DDX10: variants seen among roughly 807,000 people sequenced by gnomAD.
The protein encoded by DDX10 is DEAD-box helicase 10.
Under a neutral mutation model 104.3 loss-of-function variants are expected in DDX10, and 74 were observed. The observed-to-expected ratio is 0.71, with a 90% CI of 0.59 to 0.86. The LOEUF is 0.86. Ranked by LOEUF, DDX10 falls within the 40% of genes least tolerant of loss-of-function variation. The probability of loss-of-function intolerance (pLI) is 0.00; values close to 1 mark genes in which losing one functional copy is unlikely to be tolerated. For synonymous variants in DDX10, 351 were observed against 353.4 expected (o/e 0.99, Z 0.08); for missense variants, 952 against 1,040.0 (o/e 0.92, Z 1.16).
intron 4 of DDX10, among the ~76,000 whole-genome samples, chr11:108,678,015 T>G (rs770225660): frequency 3.9e-5 from 6 of 152,258 alleles, no homozygotes; most frequent in Non-Finnish European, 8.8e-5. Context: ...ATGTCAGTTC[T>G]GATCCAAATA....
At position 108,878,341 on chromosome 11, in the gene DDX10, C is replaced by T. The variant is rs985447298; in HGVS notation, c.2304+26132C>T. ...AGTTGCCTCAGTGAACTGGAGATTA[C>T]ATGTCAAAAGTTTATTTGTGGATAT... On this transcript the variant is annotated intron_variant, in intron 16 of 17. Transcript: ENST00000322536. 5.3e-5 allele frequency among the ~76,000 whole-genome samples: 8 copies of T among 152,324 alleles called. 1 individual carries two copies. The highest frequency in any genetic ancestry group is 1.9e-4 in the African/African-American group (8 of 41,578).
At chr11:108,665,568 G>A (rs1746030465) in intron 1 of DDX10, among the ~76,000 whole-genome samples, 2 of 151,966 alleles carry the variant, frequency 1.3e-5, no homozygotes, top group Admixed American at 1.3e-4. Context: ...CTAAGGGTAG[G>A]GAGACTAATG....
At chr11:108,849,063 G>A (rs889884981) in intron 15 of DDX10, among the ~76,000 whole-genome samples, 5 of 151,984 alleles carry the variant, frequency 3.3e-5, no homozygotes, top group African/African-American at 1.2e-4. Flanking sequence ...TTTTAATGTC[G>A]TTCAAGCAAA....
chr11:108,795,408 T>C (rs1049537293), intron 13 of DDX10, among the ~76,000 whole-genome samples: 1 of 151,800 alleles, frequency 6.6e-6, no homozygotes, highest in Admixed American at 6.6e-5. Context: ...TATGTACATA[T>C]GTATGCATGT....
chr11:108,697,552 A>G (rs1475816110), intron 9 of DDX10, among the ~76,000 whole-genome samples: 3 of 152,144 alleles, frequency 2.0e-5, no homozygotes, highest in Admixed American at 6.5e-5. Flanking sequence ...CTAATTCTGT[A>G]TTAATTAATT....
chr11:108,714,115 G>A (rs751799570), intron 10 of DDX10, among the ~76,000 whole-genome samples: 6 of 152,230 alleles, frequency 3.9e-5, no homozygotes, highest in Non-Finnish European at 8.8e-5. Context: ...CTGAAAGCAT[G>A]AGGGAATTTT....
chr11:108,819,387 GAA>G (rs1862295605), intron 13 of DDX10, among the ~76,000 whole-genome samples: 1 of 152,144 alleles, frequency 6.6e-6, no homozygotes. Context: ...AGAACTTGAA[GAA>G]AACATTTAGA....
intron 3 of DDX10, among the ~76,000 whole-genome samples, chr11:108,676,370 A>C (rs1305374792): frequency 5.9e-5 from 9 of 152,206 alleles, no homozygotes; most frequent in Non-Finnish European, 1.3e-4. Flanking sequence ...GCCCCCTTAA[A>C]AAAAAAGGCT....
At chr11:108,876,486 A>G (rs572054080) in intron 16 of DDX10, among the ~76,000 whole-genome samples, 75 of 152,302 alleles carry the variant, frequency 4.9e-4, no homozygotes, top group African/African-American at 1.6e-3. Context: ...CAGAGGAACT[A>G]TGGATATTTA....
intron 11 of DDX10, among the ~76,000 whole-genome samples, chr11:108,718,879 T>G (rs1327727519): frequency 1.3e-5 from 2 of 152,212 alleles, no homozygotes; most frequent in South Asian, 2.1e-4. Flanking sequence ...TTTTTATGCC[T>G]ATGGAGACAG....
chr11:108,883,885 A>G (rs531909044), intron 16 of DDX10, among the ~76,000 whole-genome samples: 1 of 151,720 alleles, frequency 6.6e-6, no homozygotes, highest in South Asian at 2.1e-4. Flanking sequence ...TTTTCCATTT[A>G]CCTCCCTGGG....
rs753491077 is a variant in DDX10 at position 108,675,735 on chromosome 11, A to G, written c.378+9A>G. ...TGGCTTTTCTTGTTCCAGTAAGTACATTGTCATTGGGTCAGACTGTCTGTT... is the reference window on the plus strand; with the variant it reads ...TGGCTTTTCTTGTTCCAGTAAGTACGTTGTCATTGGGTCAGACTGTCTGTT... On this transcript the variant is annotated intron_variant, in intron 3 of 17. Transcript: ENST00000322536. 1.2e-5 allele frequency: 20 copies of G among 1,613,880 alleles called. No individual in the cohort carries two copies. In the Admixed American group the frequency reaches 2.5e-4, roughly 20 times the overall value.
intron 13 of DDX10, among the ~76,000 whole-genome samples, chr11:108,738,770 T>A (rs1013070769): frequency 1.3e-5 from 2 of 152,208 alleles, no homozygotes; most frequent in African/African-American, 4.8e-5. Flanking sequence ...TCTGAGATTC[T>A]ACCCTACTTG....
intron 13 of DDX10, among the ~76,000 whole-genome samples, chr11:108,777,979 A>G (rs376826043): frequency 6.6e-6 from 1 of 152,190 alleles, no homozygotes; most frequent in Non-Finnish European, 1.5e-5. Flanking sequence ...TAGGAATCCA[A>G]CTTACAAGGG....
At chr11:108,908,746 C>G (rs949102836) in intron 16 of DDX10, among the ~76,000 whole-genome samples, 4 of 152,154 alleles carry the variant, frequency 2.6e-5, no homozygotes, top group Admixed American at 6.5e-5. Flanking sequence ...ATGTACTTTG[C>G]TGAGTTCTGG....
At chr11:108,802,010 G>GTGTGT (rs1862028404) in intron 13 of DDX10, among the ~76,000 whole-genome samples, 3 of 141,944 alleles carry the variant, frequency 2.1e-5, no homozygotes, top group East Asian at 2.1e-4. Context: ...AAGTGAGTGG[G>GTGTGT]GTGTGTGTGT....
At chr11:108,922,256 A>T (rs1863841672) in intron 17 of DDX10, 1 of 108,174 alleles carries the variant, frequency 9.2e-6, no homozygotes, top group African/African-American at 3.1e-5. Context: ...AAAAAAAAAA[A>T]AAAAAAAAAG....
At chr11:108,862,361 T>A (rs1862953134) in intron 16 of DDX10, among the ~76,000 whole-genome samples, 1 of 152,138 alleles carries the variant, frequency 6.6e-6, no homozygotes, top group Admixed American at 6.5e-5. Context: ...GTAGACGAGA[T>A]CTCTTTATAT....
intron 15 of DDX10, among the ~76,000 whole-genome samples, chr11:108,850,784 A>G (rs1401579113): frequency 6.6e-6 from 1 of 152,130 alleles, no homozygotes; most frequent in African/African-American, 2.4e-5. Context: ...GGTGTGCTAG[A>G]TTTGAGAGAG....
Sources: gnomAD v4.1 joint callset for allele counts (sites outside exome capture counted in the v4.1 genomes callset) on GRCh38, gnomAD v4.1.1 for gene constraint, MANE v1.5 for transcripts, NCBI Gene and HGNC (gene_info 2026-07-23, HGNC 2026-07-21) for gene names.